Variants in NHSL1 observed in about 807,000 individuals in gnomAD.
NHSL1 encodes NHS like 1, also known as NHS-like protein 1.
In NHSL1, 48 loss-of-function variants were observed where a neutral mutation model predicts 95.0. The ratio of observed to expected loss-of-function variants is 0.51; its 90% confidence interval spans 0.40 to 0.64. The LOEUF is 0.64. NHSL1 is among the 30% of genes least tolerant of loss of function. The pLI is 0.00. For missense variants in NHSL1, 1,971 were observed against 2,077.7 expected (o/e 0.95, Z 1.00); for synonymous variants, 783 against 833.9 (o/e 0.94, Z 1.05).
chr6:138,571,817 G>A, exon 1 of NHSL1: 1 of 1,552,080 alleles, frequency 6.4e-7, no homozygotes, highest in Non-Finnish European at 8.7e-7. Flanking sequence ...TGTCTGCCTG[G>A]ACAAGGAGGA....
At chr6:138,548,712 T>A (rs1480472823), upstream of NHSL1, among the ~76,000 whole-genome samples, 2 of 152,214 alleles carry the variant, frequency 1.3e-5, no homozygotes, top group Non-Finnish European at 2.9e-5. Context: ...ATTTTTGGTA[T>A]GAATACACAC....
chr6:138,536,578 G>A (rs973873481), intron 1 of NHSL1, among the ~76,000 whole-genome samples: 2 of 137,818 alleles, frequency 1.5e-5, no homozygotes, highest in Non-Finnish European at 3.1e-5. Flanking sequence ...AGATTCCGTG[G>A]TTTTGGAGAG....
chr6:138,424,564 G>A lies in NHSL1; in HGVS notation c.4338C>T (p.Asp1446=). 6.4e-7 allele frequency: 1 copy of A among 1,551,654 alleles called. No individual in the cohort carries two copies. Among genetic ancestry groups the A allele is most frequent in the Non-Finnish European group, 8.7e-7 (1 of 1,146,998 alleles). Reference sequence around the variant, plus strand: ...CTGACCTCGACCTCTGGAATCTAGGGTCTGTGTTCTTGAGCATCTCTGCTG... The same window carrying A: ...CTGACCTCGACCTCTGGAATCTAGGATCTGTGTTCTTGAGCATCTCTGCTG... The part of the protein sequence containing the change: ...MSAAEMLKNT[D]PRFQRSRSEP... Residue 1446 remains aspartate, a synonymous_variant, in exon 8 of 8, where the codon GAC becomes GAT. Transcript: ENST00000343505. This position sits in a 1 kb window ranked among gnomAD's most constrained non-coding sequence, Gnocchi z 5.9.
intron 3 of NHSL1, among the ~76,000 whole-genome samples, chr6:138,455,607 C>T (rs1777561320): frequency 6.6e-6 from 1 of 151,936 alleles, no homozygotes; most frequent in Non-Finnish European, 1.5e-5. Context: ...CTTGAGAAAG[C>T]CATTTCATAT....
intron 3 of NHSL1, chr6:138,464,001 G>T: frequency 3.4e-6 from 1 of 292,164 alleles, no homozygotes; most frequent in East Asian, 7.3e-5. Flanking sequence ...TGGCTTCTCA[G>T]GACTTAGAAC....
At chr6:138,567,161 T>C (rs772883342) in intron 1 of NHSL1, among the ~76,000 whole-genome samples, 1 of 152,160 alleles carries the variant, frequency 6.6e-6, no homozygotes, top group Non-Finnish European at 1.5e-5. Flanking sequence ...CTAGTCTCGC[T>C]GTGTTACCCA....
chr6:138,686,537 T>C (rs933301409), intron 1 of NHSL1, among the ~76,000 whole-genome samples: 2 of 152,210 alleles, frequency 1.3e-5, no homozygotes, highest in African/African-American at 4.8e-5. Context: ...GCAACTTTAA[T>C]TTTCCTATTT....
chr6:138,575,461 C>T (rs1281943899), upstream of NHSL1, among the ~76,000 whole-genome samples: 1 of 152,178 alleles, frequency 6.6e-6, no homozygotes, highest in African/African-American at 2.4e-5. Flanking sequence ...TAAGTGCCCA[C>T]GTCTGCCAGA....
intron 1 of NHSL1, among the ~76,000 whole-genome samples, chr6:138,684,658 A>C (rs952108806): frequency 2.7e-4 from 41 of 151,942 alleles, no homozygotes; most frequent in Non-Finnish European, 4.4e-4. Flanking sequence ...AAAACAAACA[A>C]ACAAACAAAC....
At chr6:138,576,848 T>C (rs1409139212), upstream of NHSL1, among the ~76,000 whole-genome samples, 1 of 152,192 alleles carries the variant, frequency 6.6e-6, no homozygotes, top group Non-Finnish European at 1.5e-5. Flanking sequence ...GTTCTCCACA[T>C]TTGAGGGTCA....
At chr6:138,490,507 A>G (rs1780008674) in intron 2 of NHSL1, among the ~76,000 whole-genome samples, 1 of 152,210 alleles carries the variant, frequency 6.6e-6, no homozygotes, top group African/African-American at 2.4e-5. Flanking sequence ...CTACACCAAA[A>G]GGGAGCTAGG....
chr6:138,452,354 T>C lies in NHSL1; in HGVS notation c.340-5161A>G, dbSNP rs114504535. Reference sequence around the variant, plus strand: ...TGTGGGGCCTGAAATAGGGTCTCTTTCCCATATATTCTCATACGAAATATG... The same window carrying C: ...TGTGGGGCCTGAAATAGGGTCTCTTCCCCATATATTCTCATACGAAATATG... On this transcript the variant is annotated intron_variant, in intron 3 of 7. Coordinates refer to ENST00000343505, the MANE Select transcript of NHSL1 (RefSeq NM_001144060.2). 2.6e-3 allele frequency among the ~76,000 whole-genome samples: 389 copies of C among 152,346 alleles called. 5 individuals carry two copies. Among genetic ancestry groups the C allele is most frequent in the African/African-American group, 8.9e-3 (369 of 41,576 alleles).
intron 2 of NHSL1, among the ~76,000 whole-genome samples, chr6:138,485,543 C>G (rs1017765734): frequency 6.6e-6 from 1 of 151,732 alleles, no homozygotes; most frequent in African/African-American, 2.4e-5. Context: ...TTTGCTCTTG[C>G]ATCCAACTTC....
chr6:138,649,700 A>T (rs766512868), intron 1 of NHSL1, among the ~76,000 whole-genome samples: 1 of 152,204 alleles, frequency 6.6e-6, no homozygotes, highest in Non-Finnish European at 1.5e-5. Flanking sequence ...TAAAAAGAGT[A>T]GTGTTGAGAA....
At chr6:138,530,134 C>T (rs1253295164) in intron 1 of NHSL1, among the ~76,000 whole-genome samples, 2 of 152,090 alleles carry the variant, frequency 1.3e-5, no homozygotes, top group Admixed American at 1.3e-4. Flanking sequence ...GAGGTGGGGC[C>T]TTTGGAAGGT....
intron 1 of NHSL1, among the ~76,000 whole-genome samples, chr6:138,683,766 T>C (rs1785543036): frequency 1.3e-5 from 2 of 152,344 alleles, no homozygotes; most frequent in South Asian, 2.1e-4. Context: ...CAGCTGTGAA[T>C]GTGGGCAAAC....
At chr6:138,543,619 A>AAT in intron 1 of NHSL1, among the ~76,000 whole-genome samples, 1 of 152,352 alleles carries the variant, frequency 6.6e-6, no homozygotes, top group Non-Finnish European at 1.5e-5. Context: ...CCACATATGC[A>AAT]ATAGCCCCTA....
chr6:138,625,660 A>T (rs1269749146), intron 1 of NHSL1, among the ~76,000 whole-genome samples: 1 of 148,804 alleles, frequency 6.7e-6, no homozygotes, highest in Non-Finnish European at 1.5e-5. Flanking sequence ...AAAAAAAAAA[A>T]TTAGAGACAA....
chr6:138,530,917 C>T (rs887535221), intron 1 of NHSL1, among the ~76,000 whole-genome samples: 1 of 152,086 alleles, frequency 6.6e-6, no homozygotes, highest in Non-Finnish European at 1.5e-5. Flanking sequence ...AGAACTTATC[C>T]ATGCAACCAA....
Sources: allele counts gnomAD v4.1 joint callset (sites outside exome capture counted in the v4.1 genomes callset), GRCh38; gene constraint gnomAD v4.1.1; non-coding constraint Gnocchi (gnomAD v3.1); transcripts MANE v1.5; gene names NCBI Gene and HGNC (gene_info 2026-07-23, HGNC 2026-07-21).